The following TENT5C variants were observed in gnomAD, a reference collection of about 807,000 sequenced individuals.
TENT5C encodes the protein terminal nucleotidyltransferase 5C, also known as family with sequence similarity 46 member C.
TENT5C carries 5 observed loss-of-function variants against 22.2 expected under a neutral mutation model. That is an observed-to-expected ratio of 0.22 (90% CI 0.12 to 0.47). The LOEUF (loss-of-function observed/expected upper bound fraction) is 0.47. Ranked by LOEUF, TENT5C falls within the 20% of genes least tolerant of loss-of-function variation. The pLI is 0.99. For missense variants in TENT5C, 364 were observed against 500.9 expected (o/e 0.73, Z 2.61); for synonymous variants, 199 against 195.4 (o/e 1.02, Z -0.15).
intron 1 of TENT5C, among the ~76,000 whole-genome samples, chr1:117,609,717 G>A (rs539425076): frequency 5.3e-5 from 8 of 152,348 alleles, no homozygotes; most frequent in African/African-American, 1.9e-4. Flanking sequence ...GCATATGAGC[G>A]CCGGAAAGCG....
intron 1 of TENT5C, among the ~76,000 whole-genome samples, chr1:117,622,087 T>C (rs1173647270): frequency 6.6e-6 from 1 of 152,196 alleles, no homozygotes; most frequent in Non-Finnish European, 1.5e-5. Context: ...TTCCACTACA[T>C]AGGTGACCTA....
rs371592001 is a variant in TENT5C at position 117,623,888 on chromosome 1, G to A, written c.1020G>A (p.Val340=). ...LNLISLLALR[V]LAEQNIIPSA... is the part of the protein sequence containing the mutation. ...TCATCTCCCTCCTGGCCTTGCGTGT[G>A]CTGGCGGAACAAAACATCATCCCCA... Residue 340 remains valine, a synonymous_variant, in exon 2 of 2, where the codon GTG becomes GTA. Coordinates refer to ENST00000369448, the MANE Select transcript of TENT5C (RefSeq NM_017709.4). 4.3e-6 allele frequency: 7 copies of A among 1,614,034 alleles called. No homozygotes were observed. The highest frequency in any genetic ancestry group is 4.0e-5 in the African/African-American group (3 of 74,906).
Position 117,626,950 on chromosome 1 carries a change from A to T in TENT5C, c.*2906A>T, listed in dbSNP as rs535087468. 1 of 248,152 alleles carries T rather than the reference A, an allele frequency of 4.0e-6. No homozygotes were observed. The highest frequency in any genetic ancestry group is 2.2e-5 in the African/African-American group (1 of 45,472). The allele number at this position is 248,152 out of a possible 1,614,324, so 15.4% of individuals were successfully genotyped here. A position where few individuals can be genotyped will look rare whatever the true frequency, so the allele number is the denominator to read the frequency against. On this transcript the variant is annotated 3_prime_UTR_variant, in exon 2 of 2. Transcript: ENST00000369448. ...ACATTGGCAGAATAGCACGCACTAG[A>T]TGCCTGACCTTGAGCTCTAGTCTCC...
chr1:117,612,067 G>A (rs1405931301), intron 1 of TENT5C, among the ~76,000 whole-genome samples: 1 of 152,186 alleles, frequency 6.6e-6, no homozygotes, highest in Non-Finnish European at 1.5e-5. Context: ...TCACTCTCAA[G>A]TTCTGATTCT....
rs768091631 is a variant in TENT5C at position 117,623,040 on chromosome 1, C to A, written c.172C>A (p.Arg58=). 2 of 1,614,196 alleles carry A rather than the reference C, an allele frequency of 1.2e-6. No homozygotes were observed. The highest frequency in any genetic ancestry group is 4.5e-5 in the East Asian group (2 of 44,890). ...GGACATCGTCCAGACCGTCCGCAGT[C>A]GGCTGGAGGAGGCAGGCATCAAAGT... ...LKDIVQTVRS[R]LEEAGIKVHD... is the part of the protein sequence containing the mutation. The change falls in exon 2 of 2, where the codon CGG becomes AGG. Residue 58 remains arginine, a synonymous_variant. Coordinates refer to ENST00000369448, the MANE Select transcript of TENT5C (RefSeq NM_017709.4).
intron 1 of TENT5C, among the ~76,000 whole-genome samples, chr1:117,609,489 A>G (rs1260534984): frequency 1.3e-5 from 2 of 152,232 alleles, no homozygotes; most frequent in Non-Finnish European, 2.9e-5. Flanking sequence ...AGTCTTGGTC[A>G]CAAAACTGCA....
intron 1 of TENT5C, among the ~76,000 whole-genome samples, chr1:117,614,094 T>A (rs2101075024): frequency 6.6e-6 from 1 of 152,328 alleles, no homozygotes; most frequent in Non-Finnish European, 1.5e-5. Flanking sequence ...AACTTTCATG[T>A]GTTTGGGGCT....
rs1055009252 is a variant in TENT5C at position 117,628,108 on chromosome 1, G to A, written c.*4064G>A. ...GTGTTTTATTTTAATGGATAAAAATGTAATTTTTCTAAGGTAGCAACTTAT... is the reference window on the plus strand; with the variant it reads ...GTGTTTTATTTTAATGGATAAAAATATAATTTTTCTAAGGTAGCAACTTAT... On this transcript the variant is annotated 3_prime_UTR_variant, in exon 2 of 2. Transcript: ENST00000369448. 8.1e-6 allele frequency: 2 copies of A among 247,830 alleles called. No individual in the cohort carries two copies. The highest frequency in any genetic ancestry group is 1.7e-5 in the Non-Finnish European group (2 of 118,042). The allele number at this position is 247,830 out of a possible 1,614,324, so 15.4% of individuals were successfully genotyped here.
chr1:117,609,628 C>T (rs1474868335), intron 1 of TENT5C, among the ~76,000 whole-genome samples: 1 of 152,204 alleles, frequency 6.6e-6, no homozygotes, highest in Admixed American at 6.5e-5. Flanking sequence ...TTTGGAAGAG[C>T]TCTGGATGCG....
intron 1 of TENT5C, among the ~76,000 whole-genome samples, chr1:117,607,767 C>T (rs1653573213): frequency 6.6e-6 from 1 of 152,094 alleles, no homozygotes; most frequent in Non-Finnish European, 1.5e-5. Flanking sequence ...AGACCAGCCA[C>T]GTTAGGCCCT....
Position 117,623,037 on chromosome 1 carries a change from A to G in TENT5C, c.169A>G (p.Ser57Gly). The G allele has an allele frequency of 6.2e-7, 1 of 1,614,222 alleles. No individual in the cohort carries two copies. The highest frequency in any genetic ancestry group is 1.1e-5 in the South Asian group (1 of 91,082). The change falls in exon 2 of 2, where the codon AGT (serine) becomes GGT (glycine). Residue 57 changes from serine to glycine, a missense_variant. Around this residue, in one of 3 missense-constraint regions of TENT5C, gnomAD observed 303 missense variants for 394.5 expected, o/e 0.77. Transcript: ENST00000369448. ...GAAGGACATCGTCCAGACCGTCCGC[A>G]GTCGGCTGGAGGAGGCAGGCATCAA... is the stretch of plus-strand genomic sequence containing the variant. ...TLKDIVQTVR[S>G]RLEEAGIKVH...
intron 1 of TENT5C, among the ~76,000 whole-genome samples, chr1:117,607,991 CAAT>C (rs1260134271): frequency 3.3e-5 from 5 of 151,150 alleles, no homozygotes; most frequent in Non-Finnish European, 5.9e-5. Context: ...CATATATTCT[CAAT>C]AAAGAGTTTT....
intron 1 of TENT5C, among the ~76,000 whole-genome samples, chr1:117,612,261 T>C (rs1422490962): frequency 1.3e-5 from 2 of 151,794 alleles, no homozygotes; most frequent in South Asian, 2.1e-4. Flanking sequence ...AAGTCAGTTA[T>C]GGCCAACTTA....
intron 1 of TENT5C, among the ~76,000 whole-genome samples, chr1:117,621,310 G>A (rs1490225719): frequency 1.3e-5 from 2 of 152,110 alleles, no homozygotes; most frequent in African/African-American, 2.4e-5. Flanking sequence ...CTGTTGGCTT[G>A]TGTCCCCTCT....
Position 117,623,214 on chromosome 1 carries a change from C to T in TENT5C, c.346C>T (p.Leu116Phe). The change falls in exon 2 of 2, where the codon CTT becomes TTT. Residue 116 changes from leucine (L) to phenylalanine (F), a missense_variant. Physicochemically the swap from Leu to Phe is conservative, Grantham distance 22. Transcript: ENST00000369448. ...QLVRDVVLCS[L>F]LNFLPEGVNK... The stretch of plus-strand genomic sequence containing the variant: ...GGTTAGAGATGTGGTTCTGTGTTCC[C>T]TTCTGAACTTCCTGCCAGAGGGTGT... 6.2e-7 allele frequency: 1 copy of T among 1,614,170 alleles called. No individual in the cohort carries two copies.
chr1:117,617,514 A>G (rs1653813028), intron 1 of TENT5C, among the ~76,000 whole-genome samples: 1 of 152,148 alleles, frequency 6.6e-6, no homozygotes, highest in Non-Finnish European at 1.5e-5. Flanking sequence ...TGAATTCTCA[A>G]ATCTGCAGGA....
chr1:117,627,879 A>G lies in TENT5C; in HGVS notation c.*3835A>G. The G allele has an allele frequency of 4.0e-6, 1 of 247,754 alleles. No individual in the cohort carries two copies. The highest frequency in any genetic ancestry group is 8.5e-6 in the Non-Finnish European group (1 of 118,064). 15.3% of individuals were successfully genotyped at this position (247,754 alleles called of 1,614,324 possible). A position where few individuals can be genotyped will look rare whatever the true frequency, so the allele number is the denominator to read the frequency against. On this transcript the variant is annotated 3_prime_UTR_variant, in exon 2 of 2. Coordinates refer to ENST00000369448, the MANE Select transcript of TENT5C (RefSeq NM_017709.4). ...GTGTGTGTGTGCGTGTGTGTGTTCA[A>G]GTGCCTAAATCTTGTTTACCTATCA...
chr1:117,617,317 G>A (rs1201120398), intron 1 of TENT5C, among the ~76,000 whole-genome samples: 1 of 151,966 alleles, frequency 6.6e-6, no homozygotes, highest in Non-Finnish European at 1.5e-5. Flanking sequence ...TTTTCTCAGG[G>A]ACCTTGGTTT....
chr1:117,609,264 G>T (rs1653612688), intron 1 of TENT5C, among the ~76,000 whole-genome samples: 1 of 152,192 alleles, frequency 6.6e-6, no homozygotes, highest in Non-Finnish European at 1.5e-5. Context: ...TAGTTTAGAG[G>T]AAGCATCTTT....
Sources: gnomAD v4.1 joint callset for allele counts (sites outside exome capture counted in the v4.1 genomes callset) on GRCh38, gnomAD v4.1.1 for gene constraint, gnomAD v4.1.1 regional missense constraint, MANE v1.5 for transcripts, NCBI Gene and HGNC (gene_info 2026-07-23, HGNC 2026-07-21) for gene names.